C12orf42: variants seen among roughly 807,000 people sequenced by gnomAD.
C12orf42 encodes the protein uncharacterized protein C12orf42.
A neutral mutation model predicts 21.6 loss-of-function variants in C12orf42; 25 were observed. That is an observed-to-expected ratio of 1.16 (90% CI 0.84 to 1.62). The LOEUF (loss-of-function observed/expected upper bound fraction) is 1.62. C12orf42 is among the 40% of genes most tolerant of loss of function. The pLI, the probability that C12orf42 is intolerant of heterozygous loss-of-function variation, is 0.00. For missense variants in C12orf42, 483 were observed against 459.3 expected (o/e 1.05, Z -0.47); for synonymous variants, 174 against 175.0 (o/e 0.99, Z 0.05).
At chr12:103,415,981 G>A (rs905056441) in intron 2 of C12orf42, among the ~76,000 whole-genome samples, 3 of 150,690 alleles carry the variant, frequency 2.0e-5, no homozygotes, top group Non-Finnish European at 4.4e-5. Flanking sequence ...TTTCAGATGG[G>A]TCTACATGAT....
chr12:103,437,619 A>G (rs1049713810), intron 2 of C12orf42, among the ~76,000 whole-genome samples: 17 of 152,110 alleles, frequency 1.1e-4, no homozygotes, highest in African/African-American at 4.1e-4. Context: ...AGAGAATACT[A>G]CAAACACCTC....
chr12:103,507,348 C>T, the C12orf42 span, among the ~76,000 whole-genome samples: 1 of 126,596 alleles, frequency 7.9e-6, no homozygotes, highest in Non-Finnish European at 1.6e-5. Context: ...AGGGTATGTA[C>T]CAATAGGGAT....
chr12:103,349,235 T>A (rs2042894741), intron 4 of C12orf42: 1 of 151,648 alleles, frequency 6.6e-6, no homozygotes, highest in Non-Finnish European at 1.5e-5. Flanking sequence ...TAGGGCAGGA[T>A]CTCTACACTG....
At chr12:103,265,206 A>G (rs1245153509), downstream of C12orf42, among the ~76,000 whole-genome samples, 1 of 152,132 alleles carries the variant, frequency 6.6e-6, no homozygotes, top group East Asian at 1.9e-4. Context: ...CCACCCCCTA[A>G]TACCATCATA....
the C12orf42 span, among the ~76,000 whole-genome samples, chr12:103,149,342 T>C: frequency 6.6e-6 from 1 of 152,210 alleles, no homozygotes; most frequent in African/African-American, 2.4e-5. Context: ...AAAAGTAATA[T>C]ATTTAGGGTT....
chr12:103,196,740 G>T, the C12orf42 span, among the ~76,000 whole-genome samples: 1 of 151,636 alleles, frequency 6.6e-6, no homozygotes, highest in Non-Finnish European at 1.5e-5. Context: ...CAAGAATAGC[G>T]ACCTCTACTC....
chr12:103,388,887 G>T (rs530434853), intron 3 of C12orf42, among the ~76,000 whole-genome samples: 1 of 152,360 alleles, frequency 6.6e-6, no homozygotes, highest in Non-Finnish European at 1.5e-5. Context: ...CATGCAGGCA[G>T]CCAGGGGTAG....
chr12:103,559,048 T>TG, the C12orf42 span: 3 of 152,264 alleles, frequency 2.0e-5, no homozygotes, highest in African/African-American at 7.2e-5. Context: ...AAAAGAGCTC[T>TG]GAGGCTTTGG....
At chr12:103,563,150 G>C in the C12orf42 span, among the ~76,000 whole-genome samples, 13 of 152,182 alleles carry the variant, frequency 8.5e-5, no homozygotes, top group African/African-American at 3.1e-4. Flanking sequence ...CCTTGAACAA[G>C]TAAGTCTTCA....
chr12:103,468,802 A>G (rs1321764746), intron 2 of C12orf42, among the ~76,000 whole-genome samples: 2 of 152,172 alleles, frequency 1.3e-5, no homozygotes, highest in African/African-American at 4.8e-5. Flanking sequence ...TTGTAGAACT[A>G]ACAAGTGAAT....
chr12:103,101,123 G>A, the C12orf42 span, among the ~76,000 whole-genome samples: 1 of 152,156 alleles, frequency 6.6e-6, no homozygotes, highest in African/African-American at 2.4e-5. Flanking sequence ...AACTTCACAA[G>A]GTTATCACAA....
chr12:103,155,685 T>C, the C12orf42 span, among the ~76,000 whole-genome samples: 1 of 148,214 alleles, frequency 6.7e-6, no homozygotes, highest in Non-Finnish European at 1.5e-5. Flanking sequence ...CATACATATG[T>C]ATATATACAC....
At chr12:103,068,934 CA>C in the C12orf42 span, among the ~76,000 whole-genome samples, 36 of 48,156 alleles carry the variant, frequency 7.5e-4, no homozygotes, top group Non-Finnish European at 1.2e-3. Flanking sequence ...TCTCTCTCCA[CA>C]TATATATATA....
chr12:103,388,373 C>A (rs561908808), intron 3 of C12orf42, among the ~76,000 whole-genome samples: 128 of 152,314 alleles, frequency 8.4e-4, no homozygotes, highest in Non-Finnish European at 1.7e-3. Context: ...CATTCCTACA[C>A]CCCACTCTGC....
At chr12:103,064,451 C>T in the C12orf42 span, among the ~76,000 whole-genome samples, 1 of 152,200 alleles carries the variant, frequency 6.6e-6, no homozygotes, top group Non-Finnish European at 1.5e-5. Flanking sequence ...TCACAGTTTT[C>T]CTAGAAGTGA....
downstream of C12orf42, among the ~76,000 whole-genome samples, chr12:103,263,900 A>G (rs991966082): frequency 6.6e-6 from 1 of 152,058 alleles, no homozygotes; most frequent in African/African-American, 2.4e-5. Flanking sequence ...TATGTGCTTT[A>G]ACTGGAACCT....
the C12orf42 span, among the ~76,000 whole-genome samples, chr12:103,107,056 T>C: frequency 1.3e-5 from 2 of 151,872 alleles, no homozygotes; most frequent in South Asian, 4.2e-4. Context: ...AAAGGAATAA[T>C]TTACTAGAAA....
the C12orf42 span, among the ~76,000 whole-genome samples, chr12:103,108,139 A>G: frequency 5.9e-5 from 9 of 151,446 alleles, no homozygotes; most frequent in African/African-American, 2.2e-4. Flanking sequence ...AATTTTTTAA[A>G]AAGAAAGGAA....
At chr12:103,203,698 C>T in the C12orf42 span, among the ~76,000 whole-genome samples, 3 of 152,182 alleles carry the variant, frequency 2.0e-5, no homozygotes, top group Admixed American at 1.3e-4. Context: ...GACAATTCCC[C>T]TTTTGTGGCC....
Sources: gnomAD v4.1 joint callset for allele counts (sites outside exome capture counted in the v4.1 genomes callset) on GRCh38, gnomAD v4.1.1 for gene constraint, MANE v1.5 for transcripts, NCBI Gene and HGNC (gene_info 2026-07-23, HGNC 2026-07-21) for gene names.